Variants in GOLGB1 observed in about 807,000 individuals in gnomAD.
GOLGB1 encodes golgin B1.
In GOLGB1, 174 loss-of-function variants were observed where a neutral mutation model predicts 336.9. The observed-to-expected ratio is 0.52, with a 90% CI of 0.46 to 0.59. GOLGB1 has a LOEUF of 0.59. Among genes scored for constraint, GOLGB1 ranks in the 20% least tolerant of loss-of-function variants. GOLGB1 has a pLI of 0.00. For missense variants in GOLGB1, 3,331 were observed against 3,645.3 expected (o/e 0.91, Z 2.22); for synonymous variants, 1,208 against 1,289.2 (o/e 0.94, Z 1.35).
chr3:121,691,927 G>A lies in GOLGB1; in HGVS notation c.7437C>T (p.Asp2479=), dbSNP rs1560214358. ...GCTGTTGATAGTCACCCACTATGCGGTCTCGATCATTTTGGAGAGAAGACA... is the reference window on the plus strand; with the variant it reads ...GCTGTTGATAGTCACCCACTATGCGATCTCGATCATTTTGGAGAGAAGACA... ...KSMSSLQNDR[D]RIVGDYQQLE... Residue 2479 remains aspartate (D), a synonymous_variant, in exon 14 of 22, where the codon GAC becomes GAT. Transcript: ENST00000614479. 2 of 1,614,142 alleles carry A rather than the reference G, an allele frequency of 1.2e-6. No individual in the cohort carries two copies. Among genetic ancestry groups the A allele is most frequent in the East Asian group, 4.5e-5 (2 of 44,884 alleles).
intron 10 of GOLGB1, among the ~76,000 whole-genome samples, chr3:121,708,755 C>G (rs1944095502): frequency 1.3e-5 from 2 of 151,866 alleles, no homozygotes; most frequent in African/African-American, 4.8e-5. Context: ...AAAAAGTTGT[C>G]AATAAATGAA....
intron 14 of GOLGB1, among the ~76,000 whole-genome samples, chr3:121,690,150 A>G (rs1185302769): frequency 6.6e-6 from 1 of 152,164 alleles, no homozygotes; most frequent in Non-Finnish European, 1.5e-5. Flanking sequence ...ATTTAAAGGA[A>G]CTCTTTTTAC....
intron 17 of GOLGB1, among the ~76,000 whole-genome samples, chr3:121,669,724 A>G (rs952046172): frequency 1.3e-4 from 20 of 152,320 alleles, no homozygotes; most frequent in South Asian, 1.0e-3. Flanking sequence ...TGGTACTAAC[A>G]AATGACTATA....
intron 14 of GOLGB1, among the ~76,000 whole-genome samples, chr3:121,687,675 T>G (rs186769233): frequency 2.6e-5 from 4 of 152,350 alleles, no homozygotes; most frequent in Non-Finnish European, 5.9e-5. Context: ...GACAAAAATG[T>G]GCAAAGTTTA....
At chr3:121,707,150 C>A (rs1218426044) in intron 10 of GOLGB1, among the ~76,000 whole-genome samples, 1 of 148,716 alleles carries the variant, frequency 6.7e-6, no homozygotes, top group East Asian at 2.0e-4. Context: ...TCACTTGAAC[C>A]CGGGAGGCGG....
At chr3:121,672,392 A>AT (rs1344458927) in intron 17 of GOLGB1, among the ~76,000 whole-genome samples, 5 of 151,570 alleles carry the variant, frequency 3.3e-5, no homozygotes, top group East Asian at 1.9e-4. Flanking sequence ...GATGCTGAGT[A>AT]TTTTTTTTTA....
intron 10 of GOLGB1, among the ~76,000 whole-genome samples, chr3:121,708,865 A>G (rs1329000405): frequency 6.6e-6 from 1 of 152,186 alleles, no homozygotes; most frequent in African/African-American, 2.4e-5. Flanking sequence ...GTAGACCTAA[A>G]TCCAATCACA....
intron 8 of GOLGB1, 54 bp downstream of exon 8, chr3:121,718,334 G>T: frequency 8.7e-7 from 1 of 1,146,882 alleles, no homozygotes; most frequent in East Asian, 2.4e-5. Flanking sequence ...CCTGGCAAAC[G>T]AAAGTGGAAA....
At chr3:121,700,253 T>A (rs7610298) in intron 11 of GOLGB1, among the ~76,000 whole-genome samples, 34,364 of 152,044 alleles carry the variant, frequency 0.23, 4,184 homozygotes, top group East Asian at 0.46. Flanking sequence ...ATATTTTGCA[T>A]TAATATAGCA....
chr3:121,737,400 C>A, intron 1 of GOLGB1, among the ~76,000 whole-genome samples: 1 of 152,182 alleles, frequency 6.6e-6, no homozygotes, highest in Non-Finnish European at 1.5e-5. Flanking sequence ...TGCCTGTAAT[C>A]CCAGCACTTT....
intron 14 of GOLGB1, among the ~76,000 whole-genome samples, chr3:121,684,127 CAA>C (rs61510295): frequency 2.1e-3 from 23 of 10,906 alleles, no homozygotes; most frequent in East Asian, 0.013. Flanking sequence ...GACGCCGTCT[CAA>C]AAAAAAAAAA....
At chr3:121,711,418 T>C (rs1158408078) in intron 10 of GOLGB1, among the ~76,000 whole-genome samples, 1 of 152,102 alleles carries the variant, frequency 6.6e-6, no homozygotes, top group Non-Finnish European at 1.5e-5. Context: ...CTAAAACTAG[T>C]ATCACAGCCA....
Position 121,726,911 on chromosome 3 carries a change from A to T in GOLGB1, c.531+2T>A. ...TGATTATGAAGTAACTTCCACCCCTACCTGTGCAGGTTGTTCTGCCTGTGC... is the reference window on the plus strand; with the variant it reads ...TGATTATGAAGTAACTTCCACCCCTTCCTGTGCAGGTTGTTCTGCCTGTGC... On this transcript the variant is annotated splice_donor_variant, in intron 5 of 21. Transcript: ENST00000614479. LOFTEE classifies it high-confidence loss of function. 1 of 1,583,100 alleles carries T rather than the reference A, an allele frequency of 6.3e-7. No individual in the cohort carries two copies. The highest frequency in any genetic ancestry group is 8.6e-7 in the Non-Finnish European group (1 of 1,163,466).
intron 16 of GOLGB1, 47 bp downstream of exon 16, chr3:121,677,238 G>T: frequency 2.1e-6 from 3 of 1,421,730 alleles, no homozygotes; most frequent in Non-Finnish European, 2.9e-6. Context: ...ATCATCATTT[G>T]TTTAAAAATT....
chr3:121,677,474 C>G (rs1180671815), intron 15 of GOLGB1, 24 bp from the exon 16 acceptor site: 1 of 1,567,974 alleles, frequency 6.4e-7, no homozygotes, highest in Non-Finnish European at 8.8e-7. Context: ...GACACAATCA[C>G]AGGTAAAAAT....
At chr3:121,709,571 C>T (rs1192350967) in intron 10 of GOLGB1, among the ~76,000 whole-genome samples, 1 of 152,060 alleles carries the variant, frequency 6.6e-6, no homozygotes, top group Non-Finnish European at 1.5e-5. Flanking sequence ...ATTTAGAACA[C>T]ACTTCTAAAC....
chr3:121,734,046 CA>C (rs1946307496), intron 1 of GOLGB1, among the ~76,000 whole-genome samples: 1 of 151,998 alleles, frequency 6.6e-6, no homozygotes, highest in African/African-American at 2.4e-5. Context: ...AAAAATTTAT[CA>C]AAACATACAA....
intron 20 of GOLGB1, among the ~76,000 whole-genome samples, chr3:121,667,206 T>A (rs1938747422): frequency 6.6e-6 from 1 of 152,236 alleles, no homozygotes; most frequent in East Asian, 1.9e-4. Context: ...CTACCTCATA[T>A]AGTTATGGTT....
At chr3:121,670,972 T>C (rs1309968533) in intron 17 of GOLGB1, among the ~76,000 whole-genome samples, 2 of 152,206 alleles carry the variant, frequency 1.3e-5, no homozygotes, top group Non-Finnish European at 2.9e-5. Context: ...TAGATCCTTC[T>C]AGTTTAGGGG....
Sources: gnomAD v4.1 joint callset for allele counts (sites outside exome capture counted in the v4.1 genomes callset) on GRCh38, gnomAD v4.1.1 for gene constraint, MANE v1.5 for transcripts, NCBI Gene and HGNC (gene_info 2026-07-23, HGNC 2026-07-21) for gene names.